PHF21B: variants seen among roughly 807,000 people sequenced by gnomAD.
PHF21B encodes the protein PHD finger protein 4.
In PHF21B, 22 loss-of-function variants were observed where a neutral mutation model predicts 62.2. The observed-to-expected ratio is 0.35, with a 90% confidence interval of 0.25 to 0.51. The LOEUF is 0.51. Among genes scored for constraint, PHF21B ranks in the 20% least tolerant of loss-of-function variants. The pLI is 0.97. For synonymous variants in PHF21B, 341 were observed against 314.7 expected, an observed-to-expected ratio of 1.08 and a Z score of -0.88; for missense variants, 701 against 707.9, an observed-to-expected ratio of 0.99 and a Z score of 0.11.
At chr22:44,976,585 G>C (rs1027519370) in intron 2 of PHF21B, among the ~76,000 whole-genome samples, 1 of 152,158 alleles carries the variant, frequency 6.6e-6, no homozygotes, top group African/African-American at 2.4e-5. Flanking sequence ...TCTTGTTTCT[G>C]CAAGTTATAC....
chr22:44,927,155 A>G (rs1399107496), intron 2 of PHF21B, among the ~76,000 whole-genome samples: 1 of 151,872 alleles, frequency 6.6e-6, no homozygotes, highest in African/African-American at 2.4e-5. Flanking sequence ...AGGTGAGGAG[A>G]TGACAGGAAG....
At chr22:45,005,844 G>C (rs962821885) in intron 2 of PHF21B, among the ~76,000 whole-genome samples, 1 of 152,132 alleles carries the variant, frequency 6.6e-6, no homozygotes, top group Non-Finnish European at 1.5e-5. Context: ...TTAATTTTCT[G>C]TTGAGTTAAA....
intron 2 of PHF21B, among the ~76,000 whole-genome samples, chr22:44,994,595 A>G (rs2073091175): frequency 6.6e-6 from 1 of 152,222 alleles, no homozygotes; most frequent in East Asian, 1.9e-4. Flanking sequence ...CGGCAGCCAC[A>G]GGACACTCAC....
intron 3 of PHF21B, among the ~76,000 whole-genome samples, chr22:44,919,958 T>C (rs2071504999): frequency 6.6e-6 from 1 of 152,224 alleles, no homozygotes; most frequent in Non-Finnish European, 1.5e-5. Flanking sequence ...CCAGGGCACC[T>C]GGCCCAGAGT....
intron 5 of PHF21B, among the ~76,000 whole-genome samples, chr22:44,899,282 A>AT (rs2071114111): frequency 8.1e-6 from 1 of 123,350 alleles, no homozygotes; most frequent in African/African-American, 3.0e-5. Flanking sequence ...CTCTGTTCTT[A>AT]TTCTTTTTTT....
intron 7 of PHF21B, among the ~76,000 whole-genome samples, chr22:44,892,595 C>G (rs987611118): frequency 1.3e-5 from 2 of 152,214 alleles, no homozygotes; most frequent in Non-Finnish European, 2.9e-5. Context: ...GCACTGACCT[C>G]GGGGGACATC....
At chr22:44,942,156 C>T (rs1158867183) in intron 2 of PHF21B, among the ~76,000 whole-genome samples, 4 of 152,306 alleles carry the variant, frequency 2.6e-5, no homozygotes, top group Non-Finnish European at 5.9e-5. Context: ...CCAAAGGGTC[C>T]GCCTTCTCCC....
Position 44,916,418 on chromosome 22 carries a change from C to A in PHF21B, c.426G>T (p.Pro142=). ...ALAEPAALAS[P]LSSAGVAYAI... is the part of the protein sequence containing the mutation. ...CGTAGGCCACCCCCGCACTGCTCAG[C>A]GGAGAGGCGAGGGCGGCGGGCTCGG... Residue 142 remains proline, a synonymous_variant, in exon 4 of 13, where the codon CCG becomes CCT. Coordinates refer to ENST00000313237, the MANE Select transcript of PHF21B (RefSeq NM_138415.5). The A allele has an allele frequency of 2.5e-6, 4 of 1,596,860 alleles. No homozygotes were observed. The highest frequency in any genetic ancestry group is 2.2e-5 in the South Asian group (2 of 90,466).
intron 3 of PHF21B, among the ~76,000 whole-genome samples, chr22:44,917,538 AAGG>A (rs2071460312): frequency 6.6e-6 from 1 of 152,156 alleles, no homozygotes; most frequent in Non-Finnish European, 1.5e-5. Flanking sequence ...ACAAGGGGAC[AAGG>A]AGAAGGGGTA....
chr22:44,919,207 GCAT>G (rs1320746725), intron 3 of PHF21B, among the ~76,000 whole-genome samples: 2 of 134,258 alleles, frequency 1.5e-5, no homozygotes, highest in African/African-American at 6.3e-5. Flanking sequence ...TCTCTTTCTG[GCAT>G]GGCCCGATCA....
chr22:44,943,005 C>T (rs908264880), intron 2 of PHF21B, among the ~76,000 whole-genome samples: 7 of 151,372 alleles, frequency 4.6e-5, no homozygotes, highest in Admixed American at 4.6e-4. Flanking sequence ...ACCCCCCCCC[C>T]CCCATCCTCA....
chr22:44,944,379 G>C (rs1289559980), intron 2 of PHF21B, among the ~76,000 whole-genome samples: 1 of 152,214 alleles, frequency 6.6e-6, no homozygotes, highest in Non-Finnish European at 1.5e-5. Context: ...ACTATGGCAT[G>C]CTCACCTCTG....
intron 2 of PHF21B, among the ~76,000 whole-genome samples, chr22:44,995,370 A>C (rs139312190): frequency 1.0e-3 from 154 of 152,284 alleles, no homozygotes; most frequent in African/African-American, 3.5e-3. Context: ...ACACGTTAAT[A>C]AAATAACTCC....
intron 12 of PHF21B, among the ~76,000 whole-genome samples, chr22:44,884,176 CCAT>C (rs1338131909): frequency 5.3e-5 from 8 of 150,604 alleles, no homozygotes; most frequent in South Asian, 2.1e-4. Context: ...ACCATCACCA[CCAT>C]CATTACCACC....
chr22:44,911,187 G>A (rs2071338146), intron 5 of PHF21B, among the ~76,000 whole-genome samples: 1 of 152,152 alleles, frequency 6.6e-6, no homozygotes, highest in Non-Finnish European at 1.5e-5. Flanking sequence ...GCTGTTAAAG[G>A]CATTCAGTTT....
chr22:44,954,357 G>A (rs968405935), intron 2 of PHF21B, among the ~76,000 whole-genome samples: 11 of 152,174 alleles, frequency 7.2e-5, no homozygotes, highest in Non-Finnish European at 1.5e-4. Context: ...GCCCTCTCAC[G>A]CTCAGGGATC....
intron 2 of PHF21B, among the ~76,000 whole-genome samples, chr22:44,941,204 C>T (rs556344046): frequency 1.3e-5 from 2 of 152,292 alleles, no homozygotes; most frequent in Non-Finnish European, 2.9e-5. Context: ...CAGCCAACAC[C>T]CAGAGGAAGA....
At chr22:45,006,052 G>A (rs2147545281) in intron 2 of PHF21B, among the ~76,000 whole-genome samples, 1 of 152,216 alleles carries the variant, frequency 6.6e-6, no homozygotes, top group African/African-American at 2.4e-5. Context: ...GAGGGAGAGG[G>A]GAGTAAATGT....
At chr22:44,963,090 C>T (rs1027383671) in intron 2 of PHF21B, among the ~76,000 whole-genome samples, 6 of 152,236 alleles carry the variant, frequency 3.9e-5, no homozygotes, top group Non-Finnish European at 7.3e-5. Context: ...CCCCCCAGAT[C>T]CCTCCTCGTA....
Sources: gnomAD v4.1 joint callset for allele counts (sites outside exome capture counted in the v4.1 genomes callset) on GRCh38, gnomAD v4.1.1 for gene constraint, MANE v1.5 for transcripts, NCBI Gene and HGNC (gene_info 2026-07-23, HGNC 2026-07-21) for gene names.